Variants in CADM2 observed in about 807,000 individuals in gnomAD.
The protein encoded by CADM2 is immunoglobulin superfamily member 4D.
A neutral mutation model predicts 49.8 loss-of-function variants in CADM2; 12 were observed. That is an observed-to-expected ratio of 0.24 (90% confidence interval 0.15 to 0.39). The LOEUF (loss-of-function observed/expected upper bound fraction) is 0.39. Ranked by LOEUF, CADM2 falls within the 10% of genes least tolerant of loss-of-function variation. The pLI is 1.00. For synonymous variants in CADM2, 214 were observed against 175.4 expected (o/e 1.22, Z -1.74); for missense variants, 378 against 492.3 (o/e 0.77, Z 2.20).
intron 1 of CADM2, among the ~76,000 whole-genome samples, chr3:85,503,805 A>G (rs2040210191): frequency 6.6e-6 from 1 of 152,236 alleles, no homozygotes; most frequent in Non-Finnish European, 1.5e-5. Flanking sequence ...TATGTACCTA[A>G]GCAACACAAT....
chr3:85,171,487 G>A (rs895996866), intron 1 of CADM2, among the ~76,000 whole-genome samples: 22 of 152,188 alleles, frequency 1.4e-4, no homozygotes, highest in African/African-American at 4.6e-4. Flanking sequence ...CACATTTAAA[G>A]TGCTGTATAT....
chr3:86,039,022 C>T (rs770307303), intron 8 of CADM2, among the ~76,000 whole-genome samples: 7 of 152,124 alleles, frequency 4.6e-5, no homozygotes, highest in Non-Finnish European at 8.8e-5. Context: ...TCTATATGTC[C>T]GTACTCTTTT....
intron 6 of CADM2, among the ~76,000 whole-genome samples, chr3:85,921,726 A>G (rs562514894): frequency 1.3e-4 from 19 of 151,950 alleles, no homozygotes; most frequent in African/African-American, 4.6e-4. Flanking sequence ...GGGTTTTGAC[A>G]TGTGTATAAT....
At chr3:85,865,989 A>G (rs538894394) in intron 3 of CADM2, among the ~76,000 whole-genome samples, 9 of 152,218 alleles carry the variant, frequency 5.9e-5, no homozygotes, top group Admixed American at 5.9e-4. Flanking sequence ...TGTAGCTAGG[A>G]CACTATGAAC....
At chr3:85,607,007 A>T (rs974373204) in intron 1 of CADM2, among the ~76,000 whole-genome samples, 1 of 152,168 alleles carries the variant, frequency 6.6e-6, no homozygotes, top group Non-Finnish European at 1.5e-5. Context: ...ACATTGTATA[A>T]GTATTTCAAT....
intron 1 of CADM2, among the ~76,000 whole-genome samples, chr3:85,045,899 C>G (rs1333457977): frequency 6.6e-6 from 1 of 152,072 alleles, no homozygotes; most frequent in Non-Finnish European, 1.5e-5. Flanking sequence ...TCATATTGGT[C>G]TATTCAGCAG....
At chr3:85,818,469 C>A (rs1452382715) in intron 3 of CADM2, among the ~76,000 whole-genome samples, 1 of 152,170 alleles carries the variant, frequency 6.6e-6, no homozygotes, top group Non-Finnish European at 1.5e-5. Flanking sequence ...TTGTTACCTT[C>A]TGTGTGTTGA....
intron 1 of CADM2, among the ~76,000 whole-genome samples, chr3:85,032,800 G>C (rs1374682633): frequency 3.3e-5 from 5 of 152,032 alleles, no homozygotes; most frequent in Non-Finnish European, 5.9e-5. Context: ...CCTTGAAAAA[G>C]AGAATAAAAT....
At position 85,092,863 on chromosome 3, in the gene CADM2, A is replaced by T. The variant is rs934258613; in HGVS notation, c.61+133195A>T. ...TTGAAAGTAATGCAGACTTTACGAC[A>T]AGGTGCATATTCTGATGTTTCCTTA... On this transcript the variant is annotated intron_variant, in intron 1 of 9. Coordinates refer to ENST00000383699, the MANE Select transcript of CADM2 (RefSeq NM_001167675.2). Among the ~76,000 whole-genome samples, 3 of 152,152 alleles carry T rather than the reference A, an allele frequency of 2.0e-5. No homozygotes were observed. In the South Asian group the frequency reaches 6.2e-4, roughly 32 times the overall value.
chr3:85,686,122 C>T (rs1577083951), intron 1 of CADM2, among the ~76,000 whole-genome samples: 2 of 152,134 alleles, frequency 1.3e-5, no homozygotes, highest in Admixed American at 1.3e-4. Context: ...TTAATTATAG[C>T]CCAAGTGCTA....
intron 1 of CADM2, among the ~76,000 whole-genome samples, chr3:85,451,020 T>G (rs1019032567): frequency 1.3e-5 from 2 of 152,046 alleles, no homozygotes; most frequent in African/African-American, 4.8e-5. Context: ...TTTTTGCGTC[T>G]TTTCATCATG....
intron 1 of CADM2, among the ~76,000 whole-genome samples, chr3:85,514,521 A>G (rs976296386): frequency 4.6e-5 from 7 of 152,094 alleles, no homozygotes; most frequent in Admixed American, 4.6e-4. Context: ...ATATAATATC[A>G]TAGTAGAGAT....
chr3:85,948,681 C>A (rs1207265333), intron 7 of CADM2, among the ~76,000 whole-genome samples: 1 of 150,648 alleles, frequency 6.6e-6, no homozygotes, highest in Non-Finnish European at 1.5e-5. Flanking sequence ...AAAACTCAAA[C>A]GTATAGAAGC....
At chr3:85,289,562 G>C (rs2043723737) in intron 1 of CADM2, among the ~76,000 whole-genome samples, 1 of 152,178 alleles carries the variant, frequency 6.6e-6, no homozygotes, top group African/African-American at 2.4e-5. Flanking sequence ...TAAGCTAAAT[G>C]AAGACATAGT....
intron 1 of CADM2, among the ~76,000 whole-genome samples, chr3:85,585,045 C>A (rs968393320): frequency 1.3e-5 from 2 of 152,008 alleles, no homozygotes; most frequent in Non-Finnish European, 2.9e-5. Context: ...ATGGAAACTT[C>A]TAGAAATCAA....
chr3:85,359,666 A>ATATATATATATATTTTTT, intron 1 of CADM2, among the ~76,000 whole-genome samples: 46 of 26,534 alleles, frequency 1.7e-3, no homozygotes, highest in Non-Finnish European at 2.4e-3. Context: ...ATATATATAT[A>ATATATATATATATTTTTT]TTTTTTTTTT....
chr3:85,871,795 A>T (rs1313562119), intron 3 of CADM2, among the ~76,000 whole-genome samples: 3 of 152,108 alleles, frequency 2.0e-5, no homozygotes, highest in Non-Finnish European at 4.4e-5. Context: ...AGGTTTATCT[A>T]CTGCCCTTGT....
intron 1 of CADM2, among the ~76,000 whole-genome samples, chr3:85,364,425 G>A (rs796919881): frequency 2.0e-5 from 3 of 152,250 alleles, no homozygotes; most frequent in African/African-American, 7.2e-5. Context: ...TTTTTCCTCA[G>A]TAGAATTATG....
intron 1 of CADM2, among the ~76,000 whole-genome samples, chr3:85,530,905 CACACACACAA>C (rs149666991): frequency 0.049 from 7,264 of 148,954 alleles, 436 homozygotes; most frequent in African/African-American, 0.14. Flanking sequence ...CACACACACA[CACACACACAA>C]AATTCATTAT....
Sources: allele counts gnomAD v4.1 joint callset (sites outside exome capture counted in the v4.1 genomes callset), GRCh38; gene constraint gnomAD v4.1.1; transcripts MANE v1.5; gene names NCBI Gene and HGNC (gene_info 2026-07-23, HGNC 2026-07-21).